The following TRPM7 variants were observed in gnomAD, a reference collection of about 807,000 sequenced individuals.
The protein encoded by TRPM7 is transient receptor potential cation channel subfamily M member 7.
A neutral mutation model predicts 229.7 loss-of-function variants in TRPM7; 134 were observed. The ratio of observed to expected loss-of-function variants is 0.58; its 90% confidence interval spans 0.51 to 0.67. The LOEUF (loss-of-function observed/expected upper bound fraction) is 0.67. Among genes scored for constraint, TRPM7 ranks in the 30% least tolerant of loss-of-function variants. The probability of loss-of-function intolerance (pLI) is 0.00; values close to 1 mark genes in which losing one functional copy is unlikely to be tolerated. For synonymous variants in TRPM7, 699 were observed against 715.2 expected (o/e 0.98, Z 0.36); for missense variants, 1,901 against 2,210.0 (o/e 0.86, Z 2.80).
chr15:50,572,287 A>T (rs532815338), intron 36 of TRPM7, among the ~76,000 whole-genome samples: 2 of 152,204 alleles, frequency 1.3e-5, no homozygotes, highest in African/African-American at 2.4e-5. Flanking sequence ...CCCTGCCTCT[A>T]TTTTTTAAAA....
chr15:50,601,549 G>A (rs948805684), intron 21 of TRPM7, among the ~76,000 whole-genome samples: 3 of 152,152 alleles, frequency 2.0e-5, no homozygotes, highest in Non-Finnish European at 4.4e-5. Context: ...GGCTGAGGCA[G>A]AAGAATCGCT....
In TRPM7 at chr15:50,583,894, A is replaced by G. The variant is rs149809985; in HGVS notation, c.4487-735T>C. ...TAGCCAGCTTAGAGATTTTCTACAG[A>G]ACAGAGAAGATTTCCCAATTATCTT... On this transcript the variant is annotated intron_variant, in intron 28 of 38. Coordinates refer to ENST00000646667, the MANE Select transcript of TRPM7 (RefSeq NM_017672.6). Among the ~76,000 whole-genome samples, 725 of 152,252 alleles carry G rather than the reference A, an allele frequency of 4.8e-3. 2 individuals carry two copies. Among genetic ancestry groups the G allele is most frequent in the Non-Finnish European group, 7.3e-3 (497 of 68,002 alleles).
At position 50,643,803 on chromosome 15, in the gene TRPM7, T is replaced by C. The variant is rs2061178807; in HGVS notation, c.322-250A>G. On this transcript the variant is annotated intron_variant, in intron 4 of 38. Transcript: ENST00000646667. ...AAACATTTAGACACAAATGTTACTC[T>C]TTCTGTTTAAACTCAATTACCATTG... 3.9e-5 allele frequency among the ~76,000 whole-genome samples: 6 copies of C among 152,218 alleles called. No individual in the cohort carries two copies. The South Asian group carries it at 1.2e-3, about 31-fold the overall frequency.
At chr15:50,631,244 G>A (rs60192084) in intron 10 of TRPM7, among the ~76,000 whole-genome samples, 173 bp downstream of exon 10, 3,085 of 152,252 alleles carry the variant, frequency 0.02, 121 homozygotes, top group African/African-American at 0.071. Context: ...TGCCGCCAAG[G>A]AAACCAACAT....
intron 1 of TRPM7, among the ~76,000 whole-genome samples, chr15:50,667,236 C>T (rs2061906548): frequency 6.6e-6 from 1 of 152,140 alleles, no homozygotes; most frequent in South Asian, 2.1e-4. Flanking sequence ...GATTACTAGG[C>T]CCTAGAAACT....
intron 15 of TRPM7, among the ~76,000 whole-genome samples, chr15:50,613,229 C>A (rs908739413): frequency 6.6e-6 from 1 of 152,046 alleles, no homozygotes; most frequent in Admixed American, 6.5e-5. Flanking sequence ...GTACGCTGGG[C>A]GCGGTGGCCC....
At position 50,665,117 on chromosome 15, in the gene TRPM7, T is replaced by C. The variant is rs556246663; in HGVS notation, c.4-2071A>G. 3.3e-5 allele frequency among the ~76,000 whole-genome samples: 5 copies of C among 152,276 alleles called. No homozygotes were observed. In the East Asian group the frequency reaches 9.6e-4, roughly 29 times the overall value. The stretch of plus-strand genomic sequence containing the variant: ...CACATGAGGCATTTATAAAAATTAA[T>C]CATGGGTCAGGCCCAGTGGCTCGTA... On this transcript the variant is annotated intron_variant, in intron 1 of 38. Transcript: ENST00000646667.
chr15:50,609,455 C>A (rs989940879), intron 19 of TRPM7, 126 bp downstream of exon 19: 2 of 932,426 alleles, frequency 2.1e-6, no homozygotes, highest in African/African-American at 3.4e-5. Context: ...AAATGTATCA[C>A]TCTTTTAAAT....
rs745813131 is a variant in TRPM7 at position 50,619,763 on chromosome 15, A to C, written c.1476T>G (p.Leu492=). 21 of 1,597,422 alleles carry C rather than the reference A, an allele frequency of 1.3e-5. No individual in the cohort carries two copies. The highest frequency in any genetic ancestry group is 1.4e-5 in the Non-Finnish European group (16 of 1,175,136). ...QGPTNPMLFH[L]VRDVKQGNLP... ...CTCTTACCTGTTTGACGTCTCGAAC[A>C]AGATGAAACAGCATTGGATTAGTTG... The change falls in exon 13 of 39, where the codon CTT becomes CTG. Residue 492 remains leucine, a synonymous_variant. Transcript: ENST00000646667.
At chr15:50,583,308 G>A (rs2140313234) in intron 28 of TRPM7, 149 bp from the exon 29 acceptor site, 1 of 470,208 alleles carries the variant, frequency 2.1e-6, no homozygotes, top group Non-Finnish European at 3.8e-6. Context: ...AGTTACATGA[G>A]GCCCATAAAT....
intron 28 of TRPM7, among the ~76,000 whole-genome samples, chr15:50,584,623 T>TG: frequency 6.6e-6 from 1 of 151,498 alleles, no homozygotes; most frequent in Non-Finnish European, 1.5e-5. Flanking sequence ...TCTGTTTTTT[T>TG]TTTTTTTTTT....
At chr15:50,636,871 T>C (rs1234654720) in intron 7 of TRPM7, among the ~76,000 whole-genome samples, 3 of 152,210 alleles carry the variant, frequency 2.0e-5, no homozygotes, top group Non-Finnish European at 1.5e-5. Flanking sequence ...GGCTCACGCC[T>C]GTAATCCCAG....
intron 29 of TRPM7, among the ~76,000 whole-genome samples, chr15:50,582,803 C>T (rs993761012): frequency 1.3e-5 from 2 of 152,082 alleles, no homozygotes; most frequent in African/African-American, 4.8e-5. Context: ...AGGGAATTTG[C>T]AAAATCAATC....
chr15:50,576,254 G>A (rs1450018820), intron 31 of TRPM7, among the ~76,000 whole-genome samples: 1 of 152,074 alleles, frequency 6.6e-6, no homozygotes, highest in East Asian at 1.9e-4. Flanking sequence ...GGGGACTGTA[G>A]CCATGTAAAT....
chr15:50,681,999 G>A (rs35701852), intron 1 of TRPM7, among the ~76,000 whole-genome samples: 52,689 of 151,536 alleles, frequency 0.35, 10,330 homozygotes, highest in Admixed American at 0.48. Flanking sequence ...CCAACATGGG[G>A]AAACCCTGTC....
At position 50,586,106 on chromosome 15, in the gene TRPM7, T is replaced by C. The variant is rs188691136; in HGVS notation, c.4486+286A>G. ...AGTGATGATACAGATTAAAACATGA[T>C]ACAGATGAACAGATACATTTGCAAA... On this transcript the variant is annotated intron_variant, in intron 28 of 38. Coordinates refer to ENST00000646667, the MANE Select transcript of TRPM7 (RefSeq NM_017672.6). Among the ~76,000 whole-genome samples, 435 of 152,348 alleles carry C rather than the reference T, an allele frequency of 2.9e-3. 1 individual carries two copies. In the South Asian group the frequency reaches 0.031, roughly 11 times the overall value.
At chr15:50,671,906 G>C (rs1292821233) in intron 1 of TRPM7, among the ~76,000 whole-genome samples, 1 of 152,124 alleles carries the variant, frequency 6.6e-6, no homozygotes, top group Non-Finnish European at 1.5e-5. Flanking sequence ...AAACAAACCT[G>C]CACTGCCAGT....
rs565966040 is a variant in TRPM7 at position 50,658,734 on chromosome 15, A to C, written c.84-915T>G. On this transcript the variant is annotated intron_variant, in intron 2 of 38. Coordinates refer to ENST00000646667, the MANE Select transcript of TRPM7 (RefSeq NM_017672.6). ...ACACTAATTCCAGTTCTAAAAGCAT[A>C]GGCTAAAACACATCTGTAGTATACG... is the stretch of plus-strand genomic sequence containing the variant. Among the ~76,000 whole-genome samples the C allele has an allele frequency of 9.8e-5, 15 of 152,364 alleles. No homozygotes were observed. The East Asian group carries it at 2.7e-3, about 27-fold the overall frequency.
intron 1 of TRPM7, among the ~76,000 whole-genome samples, chr15:50,682,354 C>A (rs1453489168): frequency 6.6e-6 from 1 of 150,792 alleles, no homozygotes; most frequent in African/African-American, 2.4e-5. Context: ...TAAAAAAATC[C>A]AGAGCATGAG....
Sources: gnomAD v4.1 joint callset for allele counts (sites outside exome capture counted in the v4.1 genomes callset) on GRCh38, gnomAD v4.1.1 for gene constraint, MANE v1.5 for transcripts, NCBI Gene and HGNC (gene_info 2026-07-23, HGNC 2026-07-21) for gene names.